The following PRICKLE2 variants were observed in gnomAD, a reference collection of about 807,000 sequenced individuals.
PRICKLE2 encodes the protein prickle planar cell polarity protein 2.
In PRICKLE2, 21 loss-of-function variants were observed where a neutral mutation model predicts 81.4. The observed-to-expected ratio is 0.26, with a 90% CI of 0.18 to 0.37. The LOEUF is 0.37. Ranked by LOEUF, PRICKLE2 falls within the 10% of genes least tolerant of loss-of-function variation. The pLI is 1.00. For synonymous variants in PRICKLE2, 456 were observed against 421.5 expected, an observed-to-expected ratio of 1.08 and a Z score of -1.00; for missense variants, 940 against 1,109.0, an observed-to-expected ratio of 0.85 and a Z score of 2.16.
At chr3:64,234,308 C>CAT (rs36011914) in intron 2 of PRICKLE2, among the ~76,000 whole-genome samples, 120,684 of 151,948 alleles carry the variant, frequency 0.79, 50,627 homozygotes, top group South Asian at 0.93. Flanking sequence ...CCCATTTCTT[C>CAT]ATCTTTGCCA....
intron 7 of PRICKLE2, among the ~76,000 whole-genome samples, chr3:64,140,652 G>T (rs1559533904): frequency 6.6e-6 from 1 of 152,112 alleles, no homozygotes; most frequent in Non-Finnish European, 1.5e-5. Flanking sequence ...CCTCTAATTT[G>T]CAACTAATGC....
chr3:64,261,261 A>T (rs1004923870), intron 2 of PRICKLE2, among the ~76,000 whole-genome samples: 6 of 152,282 alleles, frequency 3.9e-5, no homozygotes, highest in Admixed American at 3.9e-4. Flanking sequence ...AAAGGAGGAG[A>T]GTAATAAAAA....
rs2076528165 is a variant in PRICKLE2, at chr3:64,093,304, T to C, written c.*5747A>G. ...ATTTGGGTTGCTCCCACTTTTTGGA[T>C]ATTGTGAATGCTGCTTTTATGAATA... On this transcript the variant is annotated 3_prime_UTR_variant, in exon 8 of 8. Coordinates refer to ENST00000638394, the MANE Select transcript of PRICKLE2 (RefSeq NM_198859.4). 6 of 152,558 alleles carry C rather than the reference T, an allele frequency of 3.9e-5. No homozygotes were observed. The South Asian group carries it at 1.2e-3, about 32-fold the overall frequency. The allele number at this position is 152,558 out of a possible 1,614,324, so 9.5% of individuals were successfully genotyped here.
chr3:64,128,677 G>C (rs769138686), intron 7 of PRICKLE2, among the ~76,000 whole-genome samples: 8 of 148,306 alleles, frequency 5.4e-5, no homozygotes, highest in Non-Finnish European at 1.0e-4. Flanking sequence ...ACCCGGGAGG[G>C]AGAGGTTGTA....
intron 2 of PRICKLE2, among the ~76,000 whole-genome samples, chr3:64,193,150 A>G (rs925949578): frequency 2.6e-5 from 4 of 152,208 alleles, no homozygotes; most frequent in Non-Finnish European, 5.9e-5. Context: ...TATAAAATGC[A>G]TAAGGTTAGC....
chr3:64,188,495 G>C (rs1024905164), intron 2 of PRICKLE2, among the ~76,000 whole-genome samples: 123 of 152,310 alleles, frequency 8.1e-4, no homozygotes, highest in African/African-American at 2.7e-3. Context: ...CAAGTCCCAA[G>C]AGTCTACATT....
chr3:64,216,854 G>C (rs190594300), intron 1 of PRICKLE2, among the ~76,000 whole-genome samples: 5 of 152,310 alleles, frequency 3.3e-5, no homozygotes, highest in Non-Finnish European at 5.9e-5. Flanking sequence ...AGGCACTTCG[G>C]AGTGGCCCAA....
At position 64,099,246 on chromosome 3, in the gene PRICKLE2, G is replaced by A; in HGVS notation, c.2340C>T (p.Ser780=). ...AEYDWCSTCS[S]SSESDNEGYF... Reference sequence around the variant, plus strand: ...AGCCCTCGTTGTCAGACTCTGAAGAGGAGGAGCAGGTGGAACACCAATCAT... The same window carrying A: ...AGCCCTCGTTGTCAGACTCTGAAGAAGAGGAGCAGGTGGAACACCAATCAT... The change falls in exon 8 of 8, where the codon TCC becomes TCT. Residue 780 remains serine (S), a synonymous_variant. Coordinates refer to ENST00000638394, the MANE Select transcript of PRICKLE2 (RefSeq NM_198859.4). This position sits in a 1 kb window ranked among gnomAD's most constrained non-coding sequence, Gnocchi z 4.3. 11 of 1,614,204 alleles carry A rather than the reference G, an allele frequency of 6.8e-6. No homozygotes were observed. Among genetic ancestry groups the A allele is most frequent in the Non-Finnish European group, 7.6e-6 (9 of 1,180,040 alleles).
At chr3:64,220,275 C>A (rs905924314) in intron 1 of PRICKLE2, among the ~76,000 whole-genome samples, 1 of 152,082 alleles carries the variant, frequency 6.6e-6, no homozygotes, top group Admixed American at 6.5e-5. Context: ...GAATTTCTGC[C>A]CTGGCTACCC....
rs549336885 is a variant in PRICKLE2, at chr3:64,107,709, T to C, written c.1661-7784A>G. On this transcript the variant is annotated intron_variant, in intron 7 of 7. Coordinates refer to ENST00000638394, the MANE Select transcript of PRICKLE2 (RefSeq NM_198859.4). ...CAAAAAACAGAAAATTAGCCAGGCATAGTGGTGTGCACCTATAGTCCCAGC... is the reference window on the plus strand; with the variant it reads ...CAAAAAACAGAAAATTAGCCAGGCACAGTGGTGTGCACCTATAGTCCCAGC... 2.6e-5 allele frequency among the ~76,000 whole-genome samples: 4 copies of C among 152,258 alleles called. No individual in the cohort carries two copies. The South Asian group carries it at 8.3e-4, about 32-fold the overall frequency.
chr3:64,260,292 G>GTT (rs1373461028), intron 2 of PRICKLE2, among the ~76,000 whole-genome samples: 1 of 152,176 alleles, frequency 6.6e-6, no homozygotes, highest in Non-Finnish European at 1.5e-5. Context: ...AAAGCTAAGA[G>GTT]TTATCACTTT....
At position 64,146,803 on chromosome 3, in the gene PRICKLE2, T is replaced by A. The variant is rs189653457; in HGVS notation, c.1660+27A>T. 6,577 of 1,613,376 alleles carry A rather than the reference T, an allele frequency of 4.1e-3. 18 individuals carry two copies. The highest frequency in any genetic ancestry group is 4.7e-3 in the Non-Finnish European group (5,598 of 1,179,752). ...TCACCCAGAGACTACCCCCTTTCTA[T>A]CTGTTTTCAAGGTGAACAGAACCTA... is the stretch of plus-strand genomic sequence containing the variant. On this transcript the variant is annotated intron_variant, in intron 7 of 7. Coordinates refer to ENST00000638394, the MANE Select transcript of PRICKLE2 (RefSeq NM_198859.4).
chr3:64,144,347 C>A (rs1246379346), intron 7 of PRICKLE2, among the ~76,000 whole-genome samples: 1 of 152,174 alleles, frequency 6.6e-6, no homozygotes, highest in Admixed American at 6.5e-5. Flanking sequence ...AAATGAGAAT[C>A]ATAACAATAT....
chr3:64,179,117 T>A (rs2078082245), intron 2 of PRICKLE2, among the ~76,000 whole-genome samples: 1 of 151,614 alleles, frequency 6.6e-6, no homozygotes, highest in African/African-American at 2.4e-5. Context: ...GCTCTTGTCA[T>A]CCAGGCTGGA....
chr3:64,147,850 A>T lies in PRICKLE2; in HGVS notation c.788-148T>A. On this transcript the variant is annotated intron_variant, in intron 6 of 7. Coordinates refer to ENST00000638394, the MANE Select transcript of PRICKLE2 (RefSeq NM_198859.4). The surrounding 1 kb of genome is among the most constrained non-coding windows in gnomAD (Gnocchi z 5.0). ...AATCAACAATCAGACCCTTATGTAAATGGTATTCACGTCCTATTACGAGAA... is the reference window on the plus strand; with the variant it reads ...AATCAACAATCAGACCCTTATGTAATTGGTATTCACGTCCTATTACGAGAA... 1 of 846,686 alleles carries T rather than the reference A, an allele frequency of 1.2e-6. No individual in the cohort carries two copies. The highest frequency in any genetic ancestry group is 1.9e-6 in the Non-Finnish European group (1 of 518,264). 52.4% of individuals were successfully genotyped at this position (846,686 alleles called of 1,614,324 possible). A position where few individuals can be genotyped will look rare whatever the true frequency, so the allele number is the denominator to read the frequency against.
In PRICKLE2 at chr3:64,099,267, A is replaced by G; in HGVS notation, c.2319T>C (p.Asp773=). The G allele has an allele frequency of 6.2e-7, 1 of 1,614,186 alleles. No individual in the cohort carries two copies. Among genetic ancestry groups the G allele is most frequent in the Non-Finnish European group, 8.5e-7 (1 of 1,180,034 alleles). ...AAGAGGAGGAGCAGGTGGAACACCA[A>G]TCATACTCGGCGAAGTAGGGTCCCC... ...DRWGPYFAEY[D]WCSTCSSSSE... is the part of the protein sequence containing the mutation. The change falls in exon 8 of 8, where the codon GAT becomes GAC. Residue 773 remains aspartate (D), a synonymous_variant. Transcript: ENST00000638394. This position sits in a 1 kb window ranked among gnomAD's most constrained non-coding sequence, Gnocchi z 4.3.
At chr3:64,209,128 C>T (rs2078743145) in intron 1 of PRICKLE2, among the ~76,000 whole-genome samples, 1 of 150,304 alleles carries the variant, frequency 6.7e-6, no homozygotes, top group Admixed American at 6.6e-5. Context: ...CATTCATATC[C>T]ATACATACAT....
chr3:64,112,664 C>A (rs900411835), intron 7 of PRICKLE2, among the ~76,000 whole-genome samples: 2 of 152,086 alleles, frequency 1.3e-5, no homozygotes, highest in African/African-American at 4.8e-5. Context: ...CCAAGTGGGA[C>A]CTAATTAAAC....
intron 2 of PRICKLE2, among the ~76,000 whole-genome samples, chr3:64,239,279 C>T (rs1206230272): frequency 6.6e-6 from 1 of 152,162 alleles, no homozygotes; most frequent in Non-Finnish European, 1.5e-5. Flanking sequence ...CTGCTCAACT[C>T]ATCACAGCTG....
Sources: gnomAD v4.1 joint callset for allele counts (sites outside exome capture counted in the v4.1 genomes callset) on GRCh38, gnomAD v4.1.1 for gene constraint, Gnocchi (gnomAD v3.1) non-coding constraint, MANE v1.5 for transcripts, NCBI Gene and HGNC (gene_info 2026-07-23, HGNC 2026-07-21) for gene names.